Variants in ELF1 observed in about 807,000 individuals in gnomAD.
ELF1 encodes ETS-related transcription factor Elf-1.
A neutral mutation model predicts 59.9 loss-of-function variants in ELF1; 24 were observed. That is an observed-to-expected ratio of 0.40 (90% CI 0.29 to 0.56). The LOEUF is 0.56. Ranked by LOEUF, ELF1 falls within the 20% of genes least tolerant of loss-of-function variation. The probability of loss-of-function intolerance (pLI) is 0.44; values close to 1 mark genes in which losing one functional copy is unlikely to be tolerated. For synonymous variants in ELF1, 248 were observed against 266.2 expected (o/e 0.93, Z 0.67); for missense variants, 627 against 742.2 (o/e 0.84, Z 1.80).
At chr13:41,041,684 A>G (rs1416786799) in intron 1 of ELF1, among the ~76,000 whole-genome samples, 1 of 152,126 alleles carries the variant, frequency 6.6e-6, no homozygotes, top group Non-Finnish European at 1.5e-5. Context: ...CCAGGGGGAA[A>G]AAAAAAGGGC....
At position 41,036,065 on chromosome 13, in the gene ELF1, C is replaced by T. The variant is rs1027889097; in HGVS notation, c.-229+24773G>A. Among the ~76,000 whole-genome samples the T allele has an allele frequency of 2.6e-5, 4 of 151,814 alleles. No individual in the cohort carries two copies. In the East Asian group the frequency reaches 5.8e-4, roughly 22 times the overall value. On this transcript the variant is annotated intron_variant, in intron 1 of 1. Coordinates refer to the ELF1 transcript ENST00000405737. ...GACCACAGGTGCCCGCCACCACGCCCGGCTAATTTTTTTTTGTTGTTGTTG... is the reference window on the plus strand; with the variant it reads ...GACCACAGGTGCCCGCCACCACGCCTGGCTAATTTTTTTTTGTTGTTGTTG...
Position 40,933,939 on chromosome 13 carries a change from G to T in ELF1, c.1346C>A (p.Thr449Lys). ...TGGATCTGTGCTGGCTATAACTGTTGTGAGTGGCACTGTTTGGAGTGTTAC... is the reference window on the plus strand; with the variant it reads ...TGGATCTGTGCTGGCTATAACTGTTTTGAGTGGCACTGTTTGGAGTGTTAC... ...HTVTLQTVPL[T>K]TVIASTDPSA... The change falls in exon 9 of 9, where the codon ACA becomes AAA. Residue 449 changes from threonine to lysine, a missense_variant. By Grantham distance (78) the Thr-to-Lys change is moderately conservative. This residue lies in a region of ELF1 where 361 missense variants were observed against 396.1 expected (regional missense o/e 0.91). Transcript: ENST00000239882. 2.5e-6 allele frequency: 4 copies of T among 1,614,236 alleles called. No individual in the cohort carries two copies. Among genetic ancestry groups the T allele is most frequent in the Non-Finnish European group, 2.5e-6 (3 of 1,180,046 alleles).
intron 1 of ELF1, among the ~76,000 whole-genome samples, chr13:41,038,292 C>CA (rs1687765229): frequency 6.6e-6 from 1 of 152,076 alleles, no homozygotes; most frequent in Admixed American, 6.6e-5. Context: ...CCAAGGTGGA[C>CA]AGACAACATG....
chr13:41,050,125 A>G (rs1409118815), intron 1 of ELF1, among the ~76,000 whole-genome samples: 1 of 152,160 alleles, frequency 6.6e-6, no homozygotes, highest in Non-Finnish European at 1.5e-5. Context: ...AACTCTTTTC[A>G]TCTTTCAAAG....
chr13:41,053,702 G>A (rs1046969301), intron 1 of ELF1, among the ~76,000 whole-genome samples: 9 of 152,172 alleles, frequency 5.9e-5, no homozygotes, highest in African/African-American at 2.2e-4. Context: ...GTTTTATTTG[G>A]TCGTGAGTCC....
chr13:41,030,441 C>T (rs1030480657), intron 1 of ELF1, among the ~76,000 whole-genome samples: 5 of 151,972 alleles, frequency 3.3e-5, no homozygotes, highest in Non-Finnish European at 4.4e-5. Context: ...GATGAAAAAC[C>T]GAAAACAGAA....
intron 1 of ELF1, among the ~76,000 whole-genome samples, chr13:41,036,372 T>A (rs1876381512): frequency 6.6e-6 from 1 of 152,268 alleles, no homozygotes; most frequent in Non-Finnish European, 1.5e-5. Context: ...TTTACTATCA[T>A]GACAAATGAA....
At chr13:41,018,611 A>G (rs991342769) in intron 1 of ELF1, among the ~76,000 whole-genome samples, 8 of 152,182 alleles carry the variant, frequency 5.3e-5, no homozygotes, top group Admixed American at 3.3e-4. Context: ...ATAATCTAAT[A>G]TTCATTTTTA....
intron 1 of ELF1, among the ~76,000 whole-genome samples, chr13:41,000,735 CT>C (rs528617018): frequency 9.6e-4 from 146 of 152,128 alleles, no homozygotes; most frequent in Non-Finnish European, 1.6e-3. Context: ...CTAATAAGTT[CT>C]TTATGGTTTA....
At chr13:41,015,598 A>T (rs1875312733) in intron 1 of ELF1, among the ~76,000 whole-genome samples, 1 of 152,190 alleles carries the variant, frequency 6.6e-6, no homozygotes, top group South Asian at 2.1e-4. Context: ...ACAGTAAAAA[A>T]TGCTGATTGT....
chr13:41,049,309 C>G (rs1362731702), intron 1 of ELF1, among the ~76,000 whole-genome samples: 1 of 152,172 alleles, frequency 6.6e-6, no homozygotes, highest in Non-Finnish European at 1.5e-5. Context: ...ATGAACAGCT[C>G]ACAATGGTGG....
At chr13:41,040,086 A>G (rs1876542570) in intron 1 of ELF1, among the ~76,000 whole-genome samples, 1 of 152,246 alleles carries the variant, frequency 6.6e-6, no homozygotes. Context: ...GTATCATTCC[A>G]GAAGGCAACT....
At chr13:41,051,009 C>T (rs1877066519) in intron 1 of ELF1, among the ~76,000 whole-genome samples, 1 of 152,160 alleles carries the variant, frequency 6.6e-6, no homozygotes, top group Non-Finnish European at 1.5e-5. Context: ...AGGACCCATC[C>T]TAATGAGTAT....
At chr13:41,019,835 A>G (rs527243209), upstream of ELF1, among the ~76,000 whole-genome samples, 29 of 152,330 alleles carry the variant, frequency 1.9e-4, no homozygotes, top group East Asian at 5.4e-3. Flanking sequence ...TAAGTTCACT[A>G]AACAGATAAA....
intron 1 of ELF1, chr13:40,993,280 G>A (rs928134494): frequency 3.9e-5 from 62 of 1,574,670 alleles, no homozygotes; most frequent in Non-Finnish European, 5.1e-5. Flanking sequence ...GTTTCCAGGC[G>A]CTTGAGACAC....
rs34245662 is a variant in ELF1 at position 40,956,571 on chromosome 13, C to CAAAA, written c.253+2261_253+2264dup. ...TCTGCGAGAAACACCCAAGAATGAT[C>CAAAA]AAAAAAAAAAAAAAAAAAAAAAAGA... On this transcript the variant is annotated intron_variant, in intron 3 of 8. Coordinates refer to ENST00000239882, the MANE Select transcript of ELF1 (RefSeq NM_172373.4). Among the ~76,000 whole-genome samples, 713 of 73,770 alleles carry CAAAA rather than the reference C, an allele frequency of 9.7e-3. 2 individuals carry two copies. Among genetic ancestry groups the CAAAA allele is most frequent in the Non-Finnish European group, 0.015 (536 of 34,940 alleles). The allele number at this position is 73,770 out of a possible 152,430, so 48.4% of individuals were successfully genotyped here. A position where few individuals can be genotyped will look rare whatever the true frequency, so the allele number is the denominator to read the frequency against.
At chr13:40,949,280 C>G (rs1304828738) in intron 5 of ELF1, among the ~76,000 whole-genome samples, 2 of 152,128 alleles carry the variant, frequency 1.3e-5, no homozygotes, top group Admixed American at 6.5e-5. Context: ...GCCACCGCAC[C>G]TGGCCCAATA....
rs185436479 is a variant in ELF1 at position 40,998,006 on chromosome 13, T to G, written c.-228-15724A>C. ...TCTCTACAAAAATAAAAAAATTCGCTGGGTGTGGTGGAGCCTGCAGTCTCA... is the reference window on the plus strand; with the variant it reads ...TCTCTACAAAAATAAAAAAATTCGCGGGGTGTGGTGGAGCCTGCAGTCTCA... On this transcript the variant is annotated intron_variant, in intron 1 of 8. Coordinates refer to ENST00000239882, the MANE Select transcript of ELF1 (RefSeq NM_172373.4). 5.4e-3 allele frequency among the ~76,000 whole-genome samples: 826 copies of G among 152,094 alleles called. 7 individuals are homozygous for G. Among genetic ancestry groups the G allele is most frequent in the African/African-American group, 0.019 (794 of 41,504 alleles).
chr13:41,051,257 G>A (rs1877077147), intron 1 of ELF1, among the ~76,000 whole-genome samples: 1 of 151,916 alleles, frequency 6.6e-6, no homozygotes, highest in South Asian at 2.1e-4. Flanking sequence ...ACTCATATCT[G>A]AAATTCTCTG....
Sources: gnomAD v4.1 joint callset for allele counts (sites outside exome capture counted in the v4.1 genomes callset) on GRCh38, gnomAD v4.1.1 for gene constraint, gnomAD v4.1.1 regional missense constraint, MANE v1.5 for transcripts, NCBI Gene and HGNC (gene_info 2026-07-23, HGNC 2026-07-21) for gene names.